The following ST6GALNAC3 variants were observed in gnomAD, a reference collection of about 807,000 sequenced individuals.
The protein encoded by ST6GALNAC3 is ST6 N-acetylgalactosaminide alpha-2,6-sialyltransferase 3.
A neutral mutation model predicts 32.7 loss-of-function variants in ST6GALNAC3; 25 were observed. The observed-to-expected ratio is 0.76, with a 90% CI of 0.56 to 1.07. ST6GALNAC3 has a LOEUF of 1.07. ST6GALNAC3 is among the 50% of genes least tolerant of loss of function. ST6GALNAC3 has a pLI of 0.00. For missense variants in ST6GALNAC3, 355 were observed against 382.4 expected, an observed-to-expected ratio of 0.93 and a Z score of 0.60; for synonymous variants, 129 against 133.1, an observed-to-expected ratio of 0.97 and a Z score of 0.21.
chr1:76,458,863 A>G (rs1318130913), intron 3 of ST6GALNAC3, among the ~76,000 whole-genome samples: 2 of 152,074 alleles, frequency 1.3e-5, no homozygotes, highest in Non-Finnish European at 2.9e-5. Flanking sequence ...GTGCACATGT[A>G]CCCTAAAACT....
intron 3 of ST6GALNAC3, among the ~76,000 whole-genome samples, chr1:76,579,481 A>G (rs1041559428): frequency 8.5e-5 from 13 of 152,096 alleles, no homozygotes; most frequent in Non-Finnish European, 1.6e-4. Flanking sequence ...TAATGTCATC[A>G]GATCTCCAGT....
intron 1 of ST6GALNAC3, among the ~76,000 whole-genome samples, chr1:76,264,345 A>G (rs1349525748): frequency 1.3e-5 from 2 of 152,006 alleles, no homozygotes; most frequent in Non-Finnish European, 2.9e-5. Flanking sequence ...AATTATCTTC[A>G]GTAACTATGT....
At chr1:76,626,056 T>C (rs1021207968) in intron 3 of ST6GALNAC3, among the ~76,000 whole-genome samples, 1 of 151,802 alleles carries the variant, frequency 6.6e-6, no homozygotes, top group Non-Finnish European at 1.5e-5. Flanking sequence ...GCTGGCACAT[T>C]GTAAGTAATT....
chr1:76,525,621 C>T (rs1662819511), intron 3 of ST6GALNAC3, among the ~76,000 whole-genome samples: 1 of 151,384 alleles, frequency 6.6e-6, no homozygotes, highest in African/African-American at 2.4e-5. Context: ...AGAGGCACCA[C>T]CACTTTCTAC....
At chr1:76,273,799 T>A (rs1414863730) in intron 1 of ST6GALNAC3, among the ~76,000 whole-genome samples, 1 of 152,142 alleles carries the variant, frequency 6.6e-6, no homozygotes, top group African/African-American at 2.4e-5. Context: ...AAATATCCGC[T>A]CGTAAGATGT....
intron 3 of ST6GALNAC3, among the ~76,000 whole-genome samples, chr1:76,447,293 G>A (rs2101537228): frequency 6.6e-6 from 1 of 152,268 alleles, no homozygotes; most frequent in East Asian, 1.9e-4. Flanking sequence ...AGATGATTTA[G>A]GGCATCTGGC....
chr1:76,176,043 T>G (rs577168495), intron 1 of ST6GALNAC3, among the ~76,000 whole-genome samples: 1 of 152,360 alleles, frequency 6.6e-6, no homozygotes, highest in African/African-American at 2.4e-5. Context: ...AAATAATGAT[T>G]ATTTAATGTC....
chr1:76,580,318 T>C (rs1402549213), intron 3 of ST6GALNAC3, among the ~76,000 whole-genome samples: 1 of 152,088 alleles, frequency 6.6e-6, no homozygotes, highest in Non-Finnish European at 1.5e-5. Flanking sequence ...CTGTAGGGGA[T>C]ATGGAATCCC....
In ST6GALNAC3 at chr1:76,625,832, C is replaced by T. The variant is rs572359318; in HGVS notation, c.624-1620C>T. Among the ~76,000 whole-genome samples the T allele has an allele frequency of 1.3e-4, 20 of 152,010 alleles. No individual in the cohort carries two copies. In the South Asian group the frequency reaches 3.9e-3, roughly 30 times the overall value. On this transcript the variant is annotated intron_variant, in intron 3 of 4. Coordinates refer to ENST00000328299, the MANE Select transcript of ST6GALNAC3 (RefSeq NM_152996.4). The stretch of plus-strand genomic sequence containing the variant: ...CACAGAGGAAAGTGCATGTAACTCA[C>T]TGTGATCTAGTTTCTGGGATATTTT...
In ST6GALNAC3 at chr1:76,463,008, A is replaced by C. The variant is rs368501060; in HGVS notation, c.623+50591A>C. 8.3e-4 allele frequency among the ~76,000 whole-genome samples: 126 copies of C among 152,294 alleles called. 1 individual carries two copies. Among genetic ancestry groups the C allele is most frequent in the African/African-American group, 2.9e-3 (121 of 41,582 alleles). On this transcript the variant is annotated intron_variant, in intron 3 of 4. Coordinates refer to ENST00000328299, the MANE Select transcript of ST6GALNAC3 (RefSeq NM_152996.4). ...TGGTCAAACACCCCTTGCTCTGCTA[A>C]AGTAGTTCCTAAAGTCTTATATTTT...
At chr1:76,454,677 A>T (rs1382337243) in intron 3 of ST6GALNAC3, among the ~76,000 whole-genome samples, 1 of 152,136 alleles carries the variant, frequency 6.6e-6, no homozygotes, top group South Asian at 2.1e-4. Context: ...GTTTTCCTTT[A>T]TAGGTTACCT....
At chr1:76,268,416 G>A (rs1002880363) in intron 1 of ST6GALNAC3, among the ~76,000 whole-genome samples, 3 of 152,184 alleles carry the variant, frequency 2.0e-5, no homozygotes, top group African/African-American at 7.2e-5. Context: ...GGGTGCCAGA[G>A]CCAGGGGGAC....
chr1:76,604,997 T>A (rs552347257), intron 3 of ST6GALNAC3, among the ~76,000 whole-genome samples: 1 of 152,364 alleles, frequency 6.6e-6, no homozygotes, highest in South Asian at 2.1e-4. Flanking sequence ...ATGCAGTTCA[T>A]AATTCACATA....
chr1:76,273,175 T>C (rs891381692), intron 1 of ST6GALNAC3, among the ~76,000 whole-genome samples: 1 of 152,232 alleles, frequency 6.6e-6, no homozygotes, highest in Non-Finnish European at 1.5e-5. Flanking sequence ...TTAAGTTGTA[T>C]TTTCATTTTA....
chr1:76,439,453 T>G (rs953960892), intron 3 of ST6GALNAC3, among the ~76,000 whole-genome samples: 1 of 152,206 alleles, frequency 6.6e-6, no homozygotes, highest in African/African-American at 2.4e-5. Context: ...ATGTTTTCAA[T>G]TTAGGAGTGT....
rs1649200226 is a variant in ST6GALNAC3, at chr1:76,629,867, G to C, written c.*1061G>C. 1.0e-6 allele frequency: 1 copy of C among 984,784 alleles called. No individual in the cohort carries two copies. Among genetic ancestry groups the C allele is most frequent in the South Asian group, 4.7e-5 (1 of 21,272 alleles). The allele number at this position is 984,784 out of a possible 1,614,324, so 61.0% of individuals were successfully genotyped here. A position where few individuals can be genotyped will look rare whatever the true frequency, so the allele number is the denominator to read the frequency against. The stretch of plus-strand genomic sequence containing the variant: ...CCAAACATTACATTCTCATTGCCAA[G>C]TGCCAGCTGTTACACATGGAGAGGA... On this transcript the variant is annotated 3_prime_UTR_variant, in exon 5 of 5. Coordinates refer to ENST00000328299, the MANE Select transcript of ST6GALNAC3 (RefSeq NM_152996.4).
intron 1 of ST6GALNAC3, among the ~76,000 whole-genome samples, chr1:76,086,714 C>T (rs150290942): frequency 4.6e-5 from 7 of 152,232 alleles, no homozygotes; most frequent in East Asian, 1.9e-4. Flanking sequence ...TGCAGAGTCC[C>T]GGGATATAAG....
At chr1:76,360,089 G>A (rs951157665) in intron 2 of ST6GALNAC3, among the ~76,000 whole-genome samples, 1 of 151,962 alleles carries the variant, frequency 6.6e-6, no homozygotes, top group African/African-American at 2.4e-5. Context: ...GAGAATTAAT[G>A]TATTATTTAT....
chr1:76,207,699 A>G (rs1654898991), intron 1 of ST6GALNAC3, among the ~76,000 whole-genome samples: 1 of 152,220 alleles, frequency 6.6e-6, no homozygotes, highest in Admixed American at 6.5e-5. Context: ...CCGTTACTTA[A>G]TAGCATTACT....
Sources: gnomAD v4.1 joint callset for allele counts (sites outside exome capture counted in the v4.1 genomes callset) on GRCh38, gnomAD v4.1.1 for gene constraint, MANE v1.5 for transcripts, NCBI Gene and HGNC (gene_info 2026-07-23, HGNC 2026-07-21) for gene names.